The following MOXD1 variants were observed in gnomAD, a reference collection of about 807,000 sequenced individuals.
MOXD1 encodes the protein monooxygenase DBH like 1.
MOXD1 carries 62 observed loss-of-function variants against 66.6 expected under a neutral mutation model. That is an observed-to-expected ratio of 0.93 (90% confidence interval 0.76 to 1.15). The LOEUF (loss-of-function observed/expected upper bound fraction) is 1.15. Among genes scored for constraint, MOXD1 ranks in the 50% most tolerant of loss-of-function variants. The pLI, the probability that MOXD1 is intolerant of heterozygous loss-of-function variation, is 0.00. For synonymous variants in MOXD1, 303 were observed against 281.9 expected (o/e 1.07, Z -0.75); for missense variants, 847 against 754.6 (o/e 1.12, Z -1.44).
intron 10 of MOXD1, among the ~76,000 whole-genome samples, chr6:132,307,630 C>A (rs1774724553): frequency 6.6e-6 from 1 of 152,202 alleles, no homozygotes; most frequent in African/African-American, 2.4e-5. Flanking sequence ...TAAAACACTT[C>A]TCGGCAAATG....
At chr6:132,311,924 A>C (rs1212055421) in intron 10 of MOXD1, among the ~76,000 whole-genome samples, 1 of 152,144 alleles carries the variant, frequency 6.6e-6, no homozygotes, top group Non-Finnish European at 1.5e-5. Context: ...TAGGAAAAAC[A>C]TAAAGTGATT....
chr6:132,361,050 A>G (rs1170402510), intron 4 of MOXD1, among the ~76,000 whole-genome samples: 2 of 152,196 alleles, frequency 1.3e-5, no homozygotes, highest in Admixed American at 1.3e-4. Flanking sequence ...AGAGCAATTC[A>G]GTGAGATTTC....
intron 4 of MOXD1, among the ~76,000 whole-genome samples, chr6:132,358,126 G>A (rs1227515018): frequency 1.3e-5 from 2 of 152,122 alleles, no homozygotes; most frequent in Non-Finnish European, 2.9e-5. Flanking sequence ...ATTACTCAAG[G>A]TCATATAAGT....
At chr6:132,323,046 C>T (rs1053522709) in intron 7 of MOXD1, among the ~76,000 whole-genome samples, 176 bp from the exon 8 acceptor site, 16 of 152,292 alleles carry the variant, frequency 1.1e-4, no homozygotes, top group South Asian at 6.2e-4. Context: ...TGTGAAGCAA[C>T]ATTTGCCGGG....
intron 6 of MOXD1, among the ~76,000 whole-genome samples, chr6:132,324,877 T>C (rs1775153721): frequency 6.6e-6 from 1 of 151,788 alleles, no homozygotes; most frequent in Admixed American, 6.6e-5. Flanking sequence ...CTTAATCTAT[T>C]TCTAGTCAAT....
chr6:132,343,776 A>C (rs970539552), intron 4 of MOXD1, among the ~76,000 whole-genome samples: 1 of 152,198 alleles, frequency 6.6e-6, no homozygotes. Flanking sequence ...AATAGCATAA[A>C]ACCGGAAATA....
At chr6:132,312,570 T>A (rs1225300995) in intron 10 of MOXD1, among the ~76,000 whole-genome samples, 1 of 151,770 alleles carries the variant, frequency 6.6e-6, no homozygotes, top group African/African-American at 2.4e-5. Flanking sequence ...AGGAATAAAT[T>A]TAACCATGAA....
chr6:132,385,828 C>A (rs1413838534), intron 1 of MOXD1, among the ~76,000 whole-genome samples: 5 of 151,810 alleles, frequency 3.3e-5, no homozygotes, highest in Non-Finnish European at 7.4e-5. Context: ...AGAGGCCGGG[C>A]GAGGTGGCTC....
At chr6:132,383,123 A>C (rs1776544649) in intron 1 of MOXD1, among the ~76,000 whole-genome samples, 1 of 152,178 alleles carries the variant, frequency 6.6e-6, no homozygotes, top group South Asian at 2.1e-4. Flanking sequence ...TTCTTTTTCT[A>C]AATCTCAAAA....
intron 10 of MOXD1, among the ~76,000 whole-genome samples, chr6:132,312,973 T>C (rs968684706): frequency 1.3e-5 from 2 of 152,176 alleles, no homozygotes. Context: ...CAAGGCTAAG[T>C]AAGGAACAAT....
chr6:132,298,550 T>C (rs1774461035), intron 10 of MOXD1, among the ~76,000 whole-genome samples: 1 of 152,178 alleles, frequency 6.6e-6, no homozygotes, highest in South Asian at 2.1e-4. Flanking sequence ...TGATCTGTTT[T>C]GGCTTAGCTA....
intron 9 of MOXD1, 147 bp downstream of exon 9, chr6:132,320,482 T>C: frequency 1.7e-6 from 1 of 599,932 alleles, no homozygotes; most frequent in South Asian, 2.7e-5. Context: ...TAAAAACATC[T>C]CTGATGTCAC....
At chr6:132,335,198 T>C (rs1775411665) in intron 4 of MOXD1, among the ~76,000 whole-genome samples, 1 of 149,304 alleles carries the variant, frequency 6.7e-6, no homozygotes, top group South Asian at 2.1e-4. Context: ...ACACCGAGTA[T>C]TGGAAAAAAA....
At chr6:132,334,744 C>T (rs1209451715) in intron 4 of MOXD1, among the ~76,000 whole-genome samples, 1 of 152,170 alleles carries the variant, frequency 6.6e-6, no homozygotes, top group East Asian at 1.9e-4. Context: ...TCTGTAGCTG[C>T]CTGAGGGCAG....
chr6:132,321,234 A>C (rs1003682445), intron 8 of MOXD1, among the ~76,000 whole-genome samples: 2 of 151,274 alleles, frequency 1.3e-5, no homozygotes, highest in African/African-American at 2.4e-5. Context: ...ACTGTACTCC[A>C]GCCGGGGTGA....
At chr6:132,363,764 A>G (rs529230163) in intron 4 of MOXD1, among the ~76,000 whole-genome samples, 1 of 152,308 alleles carries the variant, frequency 6.6e-6, no homozygotes, top group Non-Finnish European at 1.5e-5. Flanking sequence ...TCAAAAAAAC[A>G]AGAAAGTATT....
chr6:132,359,514 T>C (rs1775972300), intron 4 of MOXD1, among the ~76,000 whole-genome samples: 1 of 142,112 alleles, frequency 7.0e-6, no homozygotes. Context: ...TGAGACGGAG[T>C]CTCGCTCTGT....
intron 4 of MOXD1, among the ~76,000 whole-genome samples, chr6:132,329,380 A>G (rs1775268014): frequency 6.6e-6 from 1 of 152,136 alleles, no homozygotes; most frequent in Non-Finnish European, 1.5e-5. Context: ...ACTGATGGAC[A>G]TTTGGGTTTG....
intron 1 of MOXD1, among the ~76,000 whole-genome samples, chr6:132,396,664 A>C (rs1776886996): frequency 6.6e-6 from 1 of 152,138 alleles, no homozygotes; most frequent in Admixed American, 6.6e-5. Context: ...GAATACCCAC[A>C]TAAAATCAAA....
Sources: allele counts gnomAD v4.1 joint callset (sites outside exome capture counted in the v4.1 genomes callset), GRCh38; gene constraint gnomAD v4.1.1; transcripts MANE v1.5; gene names NCBI Gene and HGNC (gene_info 2026-07-23, HGNC 2026-07-21).